Variants in CDH1 observed in about 807,000 individuals in gnomAD.
The protein encoded by CDH1 is cadherin 1.
A neutral mutation model predicts 84.5 loss-of-function variants in CDH1; 35 were observed. That is an observed-to-expected ratio of 0.41 (90% CI 0.32 to 0.55). CDH1 has a LOEUF of 0.55. Among genes scored for constraint, CDH1 ranks in the 20% least tolerant of loss-of-function variants. The probability of loss-of-function intolerance (pLI) is 0.19; values close to 1 mark genes in which losing one functional copy is unlikely to be tolerated. For synonymous variants in CDH1, 417 were observed against 439.0 expected (o/e 0.95, Z 0.63); for missense variants, 994 against 1,126.6 (o/e 0.88, Z 1.68).
At chr16:68,744,983 T>C (rs1962683201) in intron 2 of CDH1, among the ~76,000 whole-genome samples, 1 of 152,154 alleles carries the variant, frequency 6.6e-6, no homozygotes, top group Admixed American at 6.6e-5. Flanking sequence ...GCCTAGTGCC[T>C]TGTTAGGAAG....
chr16:68,834,025 C>A lies in CDH1; in HGVS notation c.*526C>A. The A allele has an allele frequency of 2.8e-6, 1 of 356,560 alleles. No individual in the cohort carries two copies. Among genetic ancestry groups the A allele is most frequent in the South Asian group, 3.0e-5 (1 of 33,202 alleles). 22.1% of individuals were successfully genotyped at this position (356,560 alleles called of 1,614,324 possible). On this transcript the variant is annotated 3_prime_UTR_variant, in exon 16 of 16. Coordinates refer to ENST00000261769, the MANE Select transcript of CDH1 (RefSeq NM_004360.5). ...AGGCTGGAGTGCAGTGGTGCAATCA[C>A]AGCTCACTGCAGCCTTGTCCTCCCA...
intron 15 of CDH1, 95 bp from the exon 16 acceptor site, chr16:68,833,195 C>A: frequency 9.8e-7 from 1 of 1,021,002 alleles, no homozygotes; most frequent in Non-Finnish European, 1.5e-6. Context: ...AGTCTGGGTG[C>A]ATTGTCGTAC....
At chr16:68,789,128 A>G (rs1960144588) in intron 2 of CDH1, among the ~76,000 whole-genome samples, 1 of 152,068 alleles carries the variant, frequency 6.6e-6, no homozygotes. Context: ...AGCTCAAGTG[A>G]TCCTCCTACC....
chr16:68,823,146 C>G (rs944522904), intron 12 of CDH1: 3 of 493,102 alleles, frequency 6.1e-6, no homozygotes, highest in Non-Finnish European at 1.1e-5. Context: ...TCTGCCTAAG[C>G]CTCTCCCTCC....
intron 2 of CDH1, among the ~76,000 whole-genome samples, chr16:68,741,232 G>A (rs1432457017): frequency 6.6e-6 from 1 of 152,060 alleles, no homozygotes; most frequent in Non-Finnish European, 1.5e-5. Context: ...ATTTGTTTTG[G>A]CTTTTTTGGA....
intron 2 of CDH1, among the ~76,000 whole-genome samples, chr16:68,754,113 T>C (rs1343038455): frequency 9.7e-6 from 1 of 103,142 alleles, no homozygotes; most frequent in Non-Finnish European, 2.0e-5. Flanking sequence ...CGAGATTCTG[T>C]CTCAAAAAAA....
In CDH1 at chr16:68,818,574, C is replaced by A. The variant is rs551986060; in HGVS notation, c.1566-706C>A. 8.3e-5 allele frequency among the ~76,000 whole-genome samples: 12 copies of A among 143,720 alleles called. No homozygotes were observed. The East Asian group carries it at 1.4e-3, about 17-fold the overall frequency. 94.3% of individuals were successfully genotyped at this position (143,720 alleles called of 152,430 possible). A position where few individuals can be genotyped will look rare whatever the true frequency, so the allele number is the denominator to read the frequency against. The stretch of plus-strand genomic sequence containing the variant: ...TTTTAAAGACGGAGTTTCGGCCGGG[C>A]GCGGTGGCTCACGCCTGTAATCCCA... On this transcript the variant is annotated intron_variant, in intron 10 of 15. Coordinates refer to ENST00000261769, the MANE Select transcript of CDH1 (RefSeq NM_004360.5).
chr16:68,778,157 C>T (rs1398705780), intron 2 of CDH1, among the ~76,000 whole-genome samples: 2 of 152,182 alleles, frequency 1.3e-5, no homozygotes, highest in Non-Finnish European at 1.5e-5. Flanking sequence ...AAGCAATTCT[C>T]CTGCCTTAGC....
At chr16:68,798,369 G>A (rs772822924) in intron 2 of CDH1, among the ~76,000 whole-genome samples, 18 of 152,164 alleles carry the variant, frequency 1.2e-4, no homozygotes, top group East Asian at 1.9e-4. Flanking sequence ...CCTTGCCAGC[G>A]TGACAGTGAG....
intron 14 of CDH1, 97 bp from the exon 15 acceptor site, chr16:68,829,557 G>A (rs2152142093): frequency 2.5e-6 from 3 of 1,184,818 alleles, no homozygotes; most frequent in South Asian, 1.3e-5. Context: ...GGCAGTGAAG[G>A]CATCATCCAA....
chr16:68,794,789 C>T (rs530397102), intron 2 of CDH1, among the ~76,000 whole-genome samples: 1 of 151,252 alleles, frequency 6.6e-6, no homozygotes, highest in Admixed American at 6.6e-5. Context: ...CAGGTTCACA[C>T]CATTCTCCTG....
At chr16:68,771,418 C>G (rs1959568585) in intron 2 of CDH1, among the ~76,000 whole-genome samples, 1 of 152,160 alleles carries the variant, frequency 6.6e-6, no homozygotes, top group African/African-American at 2.4e-5. Context: ...TCCCGAGTAG[C>G]TGGGACCATA....
At position 68,833,413 on chromosome 16, in the gene CDH1, A is replaced by G. The variant is rs2152144081; in HGVS notation, c.2563A>G (p.Lys855Glu). 1.2e-6 allele frequency: 2 copies of G among 1,614,200 alleles called. No individual in the cohort carries two copies. The highest frequency in any genetic ancestry group is 8.5e-7 in the Non-Finnish European group (1 of 1,180,026). Residue 855 changes from lysine (K) to glutamate (E), a missense_variant, in exon 16 of 16, where the codon AAA becomes GAA. Lys to Glu is a moderately conservative substitution (Grantham distance 56). Transcript: ENST00000261769. ...LSSLNSSESDKDQDYDYLNEW... is the reference protein window; with the variant it reads ...LSSLNSSESDEDQDYDYLNEW... ...CTCCCTGAACTCCTCAGAGTCAGACAAAGACCAGGACTATGACTACTTGAA... is the reference window on the plus strand; with the variant it reads ...CTCCCTGAACTCCTCAGAGTCAGACGAAGACCAGGACTATGACTACTTGAA...
At position 68,814,948 on chromosome 16, in the gene CDH1, G is replaced by A. The variant is rs555454825; in HGVS notation, c.1321-567G>A. Among the ~76,000 whole-genome samples the A allele has an allele frequency of 7.2e-5, 11 of 151,740 alleles. No homozygotes were observed. In the South Asian group the frequency reaches 1.3e-3, roughly 17 times the overall value. ...AAAAAAAAAAAAAAAAAAGATGGCC[G>A]GGTGCAGTTGCTGATGTCTGTAATC... On this transcript the variant is annotated intron_variant, in intron 9 of 15. Coordinates refer to ENST00000261769, the MANE Select transcript of CDH1 (RefSeq NM_004360.5).
rs200310662 is a variant in CDH1, at chr16:68,808,831, C to A, written c.670C>A (p.Arg224Ser). The stretch of plus-strand genomic sequence containing the variant: ...GGTGACAGAGCCTCTGGATAGAGAA[C>A]GCATTGCCACATACACTGTAAGTAT... Reference protein sequence around the residue: ...LKVTEPLDRERIATYTLFSHA... With the variant: ...LKVTEPLDRESIATYTLFSHA... The change falls in exon 5 of 16, where the codon CGC becomes AGC. Residue 224 changes from arginine (R) to serine (S), a missense_variant. This residue lies in a region of CDH1 where 769 missense variants were observed against 881.8 expected (regional missense o/e 0.87). Transcript: ENST00000261769. The A allele has an allele frequency of 6.2e-7, 1 of 1,613,944 alleles. No homozygotes were observed. The highest frequency in any genetic ancestry group is 8.5e-7 in the Non-Finnish European group (1 of 1,179,928).
In CDH1 at chr16:68,784,862, TC is replaced by T. The variant is rs751720692; in HGVS notation, c.164-16805del. ...TAGGTCCAGTGTTTCCTGTCTCTAA[TC>T]CCAGTTTCTCAGGAGGGTGAGGCGG... On this transcript the variant is annotated intron_variant, in intron 2 of 15. Transcript: ENST00000261769. Among the ~76,000 whole-genome samples, 91 of 151,952 alleles carry T rather than the reference TC, an allele frequency of 6.0e-4. 1 individual carries two copies. Among genetic ancestry groups the T allele is most frequent in the African/African-American group, 2.1e-3 (88 of 41,366 alleles).
intron 3 of CDH1, among the ~76,000 whole-genome samples, chr16:68,802,446 G>A (rs183889066): frequency 1.3e-5 from 2 of 152,236 alleles, no homozygotes; most frequent in East Asian, 3.9e-4. Context: ...CTTGGGGGAA[G>A]AAGAATGAAT....
intron 5 of CDH1, chr16:68,809,148 C>G (rs1362098168): frequency 2.3e-6 from 1 of 444,312 alleles, no homozygotes; most frequent in Non-Finnish European, 4.2e-6. Context: ...CCTAAAGGAA[C>G]AGGACAGTGA....
intron 2 of CDH1, among the ~76,000 whole-genome samples, chr16:68,795,966 A>G (rs1307699054): frequency 2.0e-5 from 3 of 151,736 alleles, no homozygotes; most frequent in African/African-American, 7.3e-5. Flanking sequence ...GTTCGAGGTT[A>G]TCCTGGCCAA....
Sources: allele counts gnomAD v4.1 joint callset (sites outside exome capture counted in the v4.1 genomes callset), GRCh38; gene constraint gnomAD v4.1.1; regional missense constraint gnomAD v4.1.1; transcripts MANE v1.5; gene names NCBI Gene and HGNC (gene_info 2026-07-23, HGNC 2026-07-21).